ZSWIM6: variants seen among roughly 807,000 people sequenced by gnomAD.
ZSWIM6 encodes the protein zinc finger SWIM domain-containing protein 6.
ZSWIM6 carries 9 observed loss-of-function variants against 113.2 expected under a neutral mutation model. That is an observed-to-expected ratio of 0.08 (90% CI 0.05 to 0.14). The LOEUF is 0.14. Among genes scored for constraint, ZSWIM6 ranks in the 10% least tolerant of loss-of-function variants. ZSWIM6 has a pLI of 1.00. For synonymous variants in ZSWIM6, 611 were observed against 606.5 expected, an observed-to-expected ratio of 1.01 and a Z score of -0.11; for missense variants, 1,162 against 1,552.2, an observed-to-expected ratio of 0.75 and a Z score of 4.22.
intron 5 of ZSWIM6, among the ~76,000 whole-genome samples, chr5:61,524,608 G>C (rs920364412): frequency 6.6e-6 from 1 of 152,188 alleles, no homozygotes; most frequent in Admixed American, 6.5e-5. Context: ...GCAGAGTAAA[G>C]GGGTTGGCGT....
chr5:61,334,118 G>C (rs1744334178), intron 1 of ZSWIM6, among the ~76,000 whole-genome samples: 1 of 152,208 alleles, frequency 6.6e-6, no homozygotes, highest in African/African-American at 2.4e-5. Flanking sequence ...TGACAAAGGC[G>C]AGAGAAGGAC....
At chr5:61,401,440 GA>G (rs1745937723) in intron 1 of ZSWIM6, among the ~76,000 whole-genome samples, 1 of 152,104 alleles carries the variant, frequency 6.6e-6, no homozygotes. Flanking sequence ...CAGATATCCT[GA>G]TGGATGCTGT....
intron 1 of ZSWIM6, among the ~76,000 whole-genome samples, chr5:61,427,840 T>A (rs181296201): frequency 2.0e-5 from 3 of 152,256 alleles, no homozygotes; most frequent in African/African-American, 7.2e-5. Flanking sequence ...ACCAACTGTA[T>A]TCTAGTGTAT....
chr5:61,545,364 A>C lies in ZSWIM6; in HGVS notation c.*1047A>C, dbSNP rs1749858980. 1 of 152,138 alleles carries C rather than the reference A, an allele frequency of 6.6e-6. No individual in the cohort carries two copies. Among genetic ancestry groups the C allele is most frequent in the Non-Finnish European group, 1.5e-5 (1 of 68,028 alleles). The allele number at this position is 152,138 out of a possible 1,614,324, so 9.4% of individuals were successfully genotyped here. On this transcript the variant is annotated 3_prime_UTR_variant, in exon 14 of 14. Coordinates refer to ENST00000252744, the MANE Select transcript of ZSWIM6 (RefSeq NM_020928.2). ...CACTAGAATAAAGAGGGACAACAAA[A>C]TACACAGCCAGAGCAGCAAGCCTTA...
At position 61,332,569 on chromosome 5, in the gene ZSWIM6, G is replaced by T; in HGVS notation, c.297G>T (p.Glu99Asp). ...TCCAGCGCGTGGAGGAGCGCTTTGA[G>T]CGCATCCCGGAGCCGGTGCAGCGCC... Reference protein sequence around the residue: ...WPFQRVEERFERIPEPVQRRI... With the variant: ...WPFQRVEERFDRIPEPVQRRI... The change falls in exon 1 of 14, where the codon GAG becomes GAT. Residue 99 changes from glutamate to aspartate, a missense_variant. This residue lies in a region of ZSWIM6 where 333 missense variants were observed against 293.4 expected (regional missense o/e 1.13). Transcript: ENST00000252744. 2 of 1,364,988 alleles carry T rather than the reference G, an allele frequency of 1.5e-6. No homozygotes were observed. Among genetic ancestry groups the T allele is most frequent in the South Asian group, 1.3e-5 (1 of 78,172 alleles). The allele number at this position is 1,364,988 out of a possible 1,614,324, so 84.6% of individuals were successfully genotyped here.
chr5:61,385,342 C>T (rs900650841), intron 1 of ZSWIM6, among the ~76,000 whole-genome samples: 4 of 152,294 alleles, frequency 2.6e-5, no homozygotes, highest in South Asian at 4.1e-4. Context: ...GGGAAATTCT[C>T]GGCTCACTCT....
In ZSWIM6 at chr5:61,535,605, A is replaced by G; in HGVS notation, c.2367A>G (p.Ala789=). ...ATGCTGAATTGGCATACAAAATTGC[A>G]CTGAGAGCAATGCGGTATGTATTCA... ...PHDAELAYKI[A]LRAMRLLVLE... is the part of the protein sequence containing the mutation. The change falls in exon 10 of 14, where the codon GCA becomes GCG. Residue 789 remains alanine, a synonymous_variant. Coordinates refer to ENST00000252744, the MANE Select transcript of ZSWIM6 (RefSeq NM_020928.2). The G allele has an allele frequency of 6.4e-7, 1 of 1,551,234 alleles. No individual in the cohort carries two copies.
At position 61,543,717 on chromosome 5, in the gene ZSWIM6, T is replaced by G. The variant is rs1749805688; in HGVS notation, c.3048T>G (p.Ile1016Met). 2 of 1,551,664 alleles carry G rather than the reference T, an allele frequency of 1.3e-6. No individual in the cohort carries two copies. The highest frequency in any genetic ancestry group is 1.7e-6 in the Non-Finnish European group (2 of 1,146,984). The change falls in exon 14 of 14, where the codon ATT becomes ATG. Residue 1016 changes from isoleucine to methionine, a missense_variant. Ile to Met is a conservative substitution (Grantham distance 10, BLOSUM62 1). Coordinates refer to ENST00000252744, the MANE Select transcript of ZSWIM6 (RefSeq NM_020928.2). The surrounding 1 kb of genome is among the most constrained non-coding windows in gnomAD (Gnocchi z 4.3). ...TAGCTTTTGAGACGGCGTACCAAAT[T>G]GTTCTCGACGCTGCTACGACTGGCA... Reference protein sequence around the residue: ...DHIAFETAYQIVLDAATTGMS... With the variant: ...DHIAFETAYQMVLDAATTGMS...
Position 61,332,542 on chromosome 5 carries a change from G to T in ZSWIM6, c.270G>T (p.Pro90=), listed in dbSNP as rs1198182243. 1.5e-6 allele frequency: 2 copies of T among 1,348,778 alleles called. No individual in the cohort carries two copies. Among genetic ancestry groups the T allele is most frequent in the Non-Finnish European group, 2.0e-6 (2 of 1,022,572 alleles). The allele number at this position is 1,348,778 out of a possible 1,614,324, so 83.6% of individuals were successfully genotyped here. Residue 90 remains proline, a synonymous_variant, in exon 1 of 14, where the codon CCG becomes CCT. Transcript: ENST00000252744. ...CGCGCAGGGTGGCGGAGAAGTGGCC[G>T]TTCCAGCGCGTGGAGGAGCGCTTTG... ...IAARRVAEKW[P]FQRVEERFER...
At chr5:61,352,982 T>A (rs1744823688) in intron 1 of ZSWIM6, among the ~76,000 whole-genome samples, 1 of 152,184 alleles carries the variant, frequency 6.6e-6, no homozygotes, top group Non-Finnish European at 1.5e-5. Flanking sequence ...CATGTGCAGG[T>A]CACTGTGGGC....
intron 5 of ZSWIM6, among the ~76,000 whole-genome samples, chr5:61,524,555 C>A (rs148569974): frequency 6.6e-6 from 1 of 152,110 alleles, no homozygotes; most frequent in African/African-American, 2.4e-5. Flanking sequence ...GATGGTGTGA[C>A]CTTGGCAAGT....
intron 1 of ZSWIM6, among the ~76,000 whole-genome samples, chr5:61,344,507 C>A (rs959389079): frequency 6.6e-6 from 1 of 152,198 alleles, no homozygotes; most frequent in African/African-American, 2.4e-5. Flanking sequence ...TTTCTTTCTT[C>A]TTTTCCTCTG....
chr5:61,397,571 G>A (rs1745863060), intron 1 of ZSWIM6, among the ~76,000 whole-genome samples: 1 of 151,990 alleles, frequency 6.6e-6, no homozygotes, highest in African/African-American at 2.4e-5. Flanking sequence ...TTAAGAGGCA[G>A]TTTACTTTGT....
intron 4 of ZSWIM6, among the ~76,000 whole-genome samples, chr5:61,520,068 C>T (rs1157326115): frequency 1.3e-5 from 2 of 152,182 alleles, no homozygotes; most frequent in Non-Finnish European, 2.9e-5. Flanking sequence ...GGCTCAGTTC[C>T]TAACAGACCA....
intron 1 of ZSWIM6, among the ~76,000 whole-genome samples, chr5:61,340,105 T>G (rs1744510927): frequency 6.6e-6 from 1 of 152,250 alleles, no homozygotes; most frequent in Non-Finnish European, 1.5e-5. Context: ...ATATGCTTTG[T>G]ACTTGCTTTT....
At chr5:61,434,017 A>G (rs928126107) in intron 1 of ZSWIM6, among the ~76,000 whole-genome samples, 2 of 147,568 alleles carry the variant, frequency 1.4e-5, no homozygotes, top group Non-Finnish European at 3.0e-5. Context: ...AAATATATGT[A>G]TAATAGAAAA....
chr5:61,496,716 G>C (rs147753230), intron 4 of ZSWIM6, among the ~76,000 whole-genome samples: 2,528 of 152,218 alleles, frequency 0.017, 27 homozygotes, highest in Non-Finnish European at 0.026. Flanking sequence ...AGGACCCACT[G>C]TGAGACAATA....
chr5:61,424,330 G>A (rs1746419247), intron 1 of ZSWIM6, among the ~76,000 whole-genome samples: 3 of 152,148 alleles, frequency 2.0e-5, no homozygotes, highest in African/African-American at 7.2e-5. Flanking sequence ...TTTTTGAGTA[G>A]TTACTAGCTC....
chr5:61,481,508 T>C (rs903805374), intron 2 of ZSWIM6, among the ~76,000 whole-genome samples: 1 of 152,048 alleles, frequency 6.6e-6, no homozygotes, highest in African/African-American at 2.4e-5. Flanking sequence ...GCTCCCACCA[T>C]TTTTATCCCC....
Sources: gnomAD v4.1 joint callset for allele counts (sites outside exome capture counted in the v4.1 genomes callset) on GRCh38, gnomAD v4.1.1 for gene constraint, gnomAD v4.1.1 regional missense constraint, Gnocchi (gnomAD v3.1) non-coding constraint, MANE v1.5 for transcripts, NCBI Gene and HGNC (gene_info 2026-07-23, HGNC 2026-07-21) for gene names.